CAMTA1: variants seen among roughly 807,000 people sequenced by gnomAD.
CAMTA1 encodes the protein calmodulin binding transcription activator 1.
CAMTA1 carries 27 observed loss-of-function variants against 170.9 expected under a neutral mutation model. That is an observed-to-expected ratio of 0.16 (90% CI 0.12 to 0.22). The LOEUF is 0.22. Among genes scored for constraint, CAMTA1 ranks in the 10% least tolerant of loss-of-function variants. The pLI is 1.00. For missense variants in CAMTA1, 1,619 were observed against 2,217.2 expected, an observed-to-expected ratio of 0.73 and a Z score of 5.42; for synonymous variants, 833 against 891.5, an observed-to-expected ratio of 0.93 and a Z score of 1.17.
intron 6 of CAMTA1, among the ~76,000 whole-genome samples, chr1:7,628,849 G>A (rs555440884): frequency 4.6e-5 from 7 of 152,234 alleles, no homozygotes; most frequent in Non-Finnish European, 1.0e-4. Context: ...CTTTGAGGCT[G>A]GTGAGGAGGC....
chr1:6,894,510 C>T (rs1430980816), intron 3 of CAMTA1, among the ~76,000 whole-genome samples: 3 of 152,220 alleles, frequency 2.0e-5, no homozygotes, highest in Non-Finnish European at 4.4e-5. Flanking sequence ...ATCCATCCCT[C>T]CCTTCCTAAA....
chr1:7,493,514 C>T (rs200752082), intron 6 of CAMTA1, among the ~76,000 whole-genome samples: 3 of 152,352 alleles, frequency 2.0e-5, no homozygotes, highest in East Asian at 1.9e-4. Context: ...AACACACACA[C>T]GCGCAGGGGC....
intron 5 of CAMTA1, among the ~76,000 whole-genome samples, chr1:7,277,619 A>G (rs1049800987): frequency 3.9e-5 from 6 of 152,178 alleles, no homozygotes; most frequent in Admixed American, 3.9e-4. Flanking sequence ...CCCTTCTCAG[A>G]ATAAAAGCAG....
chr1:7,450,932 C>T (rs368299126), intron 5 of CAMTA1, among the ~76,000 whole-genome samples: 27 of 152,192 alleles, frequency 1.8e-4, no homozygotes, highest in African/African-American at 6.3e-4. Flanking sequence ...GGAGGATCAT[C>T]CTAGAGGCTG....
chr1:7,414,400 G>T (rs2091007705), intron 5 of CAMTA1, among the ~76,000 whole-genome samples: 1 of 152,114 alleles, frequency 6.6e-6, no homozygotes, highest in East Asian at 1.9e-4. Context: ...GACTCTTTTT[G>T]GTTGGTAAGC....
At chr1:7,181,175 C>A (rs539227391) in intron 4 of CAMTA1, among the ~76,000 whole-genome samples, 1 of 152,138 alleles carries the variant, frequency 6.6e-6, no homozygotes, top group East Asian at 1.9e-4. Context: ...ATACTGAAAA[C>A]CCTTTGAAAA....
intron 4 of CAMTA1, among the ~76,000 whole-genome samples, chr1:7,103,571 CA>C (rs1643074635): frequency 7.7e-6 from 1 of 129,408 alleles, no homozygotes; most frequent in East Asian, 2.1e-4. Flanking sequence ...ACACACAACA[CA>C]ACTACACACA....
chr1:7,264,463 T>TA (rs2149370549), intron 5 of CAMTA1, among the ~76,000 whole-genome samples: 1 of 152,322 alleles, frequency 6.6e-6, no homozygotes, highest in South Asian at 2.1e-4. Context: ...TCTTGTCTTT[T>TA]AAAAAGATCA....
intron 3 of CAMTA1, among the ~76,000 whole-genome samples, chr1:6,949,891 C>T (rs1181983894): frequency 2.0e-5 from 3 of 152,258 alleles, no homozygotes; most frequent in Non-Finnish European, 4.4e-5. Context: ...CACTGCCAGC[C>T]TCCGGGATGC....
chr1:6,965,614 C>T lies in CAMTA1; in HGVS notation c.235-125690C>T, dbSNP rs551594748. On this transcript the variant is annotated intron_variant, in intron 3 of 22. Coordinates refer to ENST00000303635, the MANE Select transcript of CAMTA1 (RefSeq NM_015215.4). This position sits in a 1 kb window ranked among gnomAD's most constrained non-coding sequence, Gnocchi z 4.1. The stretch of plus-strand genomic sequence containing the variant: ...TAAAGGAAAAAAAATGGACGTGCCG[C>T]CTGTTAGCTAATCAACAGTGAGGAG... Among the ~76,000 whole-genome samples, 6 of 152,030 alleles carry T rather than the reference C, an allele frequency of 3.9e-5. No individual in the cohort carries two copies. The highest frequency in any genetic ancestry group is 8.8e-5 in the Non-Finnish European group (6 of 68,032).
chr1:7,411,857 A>G (rs1221337407), intron 5 of CAMTA1, among the ~76,000 whole-genome samples: 1 of 151,728 alleles, frequency 6.6e-6, no homozygotes, highest in Non-Finnish European at 1.5e-5. Flanking sequence ...TACTGCAACC[A>G]TTAACTCGTC....
At chr1:7,473,700 C>A (rs962194374) in intron 6 of CAMTA1, among the ~76,000 whole-genome samples, 14 of 152,244 alleles carry the variant, frequency 9.2e-5, no homozygotes, top group Non-Finnish European at 1.5e-4. Flanking sequence ...GCAACTGAGT[C>A]CCAGGCACCC....
At chr1:7,176,956 G>A (rs1277855714) in intron 4 of CAMTA1, among the ~76,000 whole-genome samples, 1 of 151,990 alleles carries the variant, frequency 6.6e-6, no homozygotes, top group Non-Finnish European at 1.5e-5. Flanking sequence ...TTAAAAATGT[G>A]CCCAGGAAGA....
chr1:7,034,348 C>A (rs1335324842), intron 3 of CAMTA1, among the ~76,000 whole-genome samples: 12 of 152,022 alleles, frequency 7.9e-5, no homozygotes. Context: ...GCAGAGGGGG[C>A]TTTCACCATC....
intron 3 of CAMTA1, among the ~76,000 whole-genome samples, chr1:7,060,639 G>A (rs1708065296): frequency 6.6e-6 from 1 of 152,210 alleles, no homozygotes; most frequent in East Asian, 1.9e-4. Context: ...AAAAGCACAA[G>A]CCCAGAGCTG....
chr1:7,042,669 G>C (rs1016355166), intron 3 of CAMTA1, among the ~76,000 whole-genome samples: 1 of 152,152 alleles, frequency 6.6e-6, no homozygotes, highest in Admixed American at 6.5e-5. Flanking sequence ...GAGGCCTTTC[G>C]CATTTGCTCT....
intron 7 of CAMTA1, among the ~76,000 whole-genome samples, chr1:7,650,412 C>A (rs79730982): frequency 0.025 from 3,871 of 152,268 alleles, 163 homozygotes; most frequent in African/African-American, 0.088. Flanking sequence ...GAGTCACTGG[C>A]CGGGCTGGAA....
At chr1:7,332,711 A>G (rs1308957697) in intron 5 of CAMTA1, among the ~76,000 whole-genome samples, 2 of 152,220 alleles carry the variant, frequency 1.3e-5, no homozygotes, top group African/African-American at 4.8e-5. Flanking sequence ...TGGTGAGCCA[A>G]TCCATAATTT....
chr1:7,009,340 C>T (rs747860319), intron 3 of CAMTA1, among the ~76,000 whole-genome samples: 4 of 152,080 alleles, frequency 2.6e-5, no homozygotes, highest in Admixed American at 1.3e-4. Flanking sequence ...GAGGCGGCAT[C>T]GTGGGTGGGA....
Sources: allele counts gnomAD v4.1 joint callset (sites outside exome capture counted in the v4.1 genomes callset), GRCh38; gene constraint gnomAD v4.1.1; non-coding constraint Gnocchi (gnomAD v3.1); transcripts MANE v1.5; gene names NCBI Gene and HGNC (gene_info 2026-07-23, HGNC 2026-07-21).